FBXW11: variants seen among roughly 807,000 people sequenced by gnomAD.
FBXW11 encodes F-box and WD repeat domain containing 11.
In FBXW11, 19 loss-of-function variants were observed where a neutral mutation model predicts 77.6. That is an observed-to-expected ratio of 0.24 (90% CI 0.17 to 0.36). The LOEUF is 0.36. FBXW11 is among the 10% of genes least tolerant of loss of function. The pLI is 1.00. For synonymous variants in FBXW11, 235 were observed against 249.4 expected (o/e 0.94, Z 0.54); for missense variants, 334 against 704.2 (o/e 0.47, Z 5.95).
At chr5:171,913,961 A>G (rs1761066735) in intron 3 of FBXW11, among the ~76,000 whole-genome samples, 1 of 152,146 alleles carries the variant, frequency 6.6e-6, no homozygotes, top group Admixed American at 6.5e-5. Context: ...AGGCAAACCA[A>G]TGGAAATGGG....
intron 3 of FBXW11, among the ~76,000 whole-genome samples, chr5:171,913,311 G>GTGTT (rs1348974093): frequency 6.6e-6 from 1 of 152,180 alleles, no homozygotes; most frequent in Non-Finnish European, 1.5e-5. Flanking sequence ...CCTCCCTAGA[G>GTGTT]TGTTTGTATA....
In FBXW11 at chr5:171,869,638, A is replaced by G. The variant is rs761876025; in HGVS notation, c.1530+91T>C. Reference sequence around the variant, plus strand: ...TCTGAAGGCATCTTGTGAGACACACAAGCGTTCCTGTGATACACCTAGACA... The same window carrying G: ...TCTGAAGGCATCTTGTGAGACACACGAGCGTTCCTGTGATACACCTAGACA... On this transcript the variant is annotated intron_variant, in intron 12 of 13. Transcript: ENST00000517395. This position sits in a 1 kb window ranked among gnomAD's most constrained non-coding sequence, Gnocchi z 4.1. 75 of 899,776 alleles carry G rather than the reference A, an allele frequency of 8.3e-5. No homozygotes were observed. Among genetic ancestry groups the G allele is most frequent in the Non-Finnish European group, 1.2e-4 (71 of 612,882 alleles). 55.7% of individuals were successfully genotyped at this position (899,776 alleles called of 1,614,324 possible).
intron 1 of FBXW11, among the ~76,000 whole-genome samples, chr5:171,982,877 A>G (rs988363908): frequency 3.9e-5 from 6 of 152,096 alleles, no homozygotes; most frequent in African/African-American, 1.4e-4. Context: ...CTTATACCCC[A>G]GGGGAAGGCA....
At chr5:171,868,513 T>C in intron 13 of FBXW11, 97 bp downstream of exon 13, 1 of 963,890 alleles carries the variant, frequency 1.0e-6, no homozygotes, top group Non-Finnish European at 1.6e-6. Context: ...AGAGAGACCT[T>C]GGTTCACACA....
chr5:171,911,210 T>C (rs1760860963), intron 3 of FBXW11, among the ~76,000 whole-genome samples: 1 of 152,264 alleles, frequency 6.6e-6, no homozygotes, highest in Non-Finnish European at 1.5e-5. Flanking sequence ...CAGTTTGTTT[T>C]ACTTCCTCAA....
intron 2 of FBXW11, among the ~76,000 whole-genome samples, chr5:171,916,201 C>T (rs1761236474): frequency 6.9e-6 from 1 of 144,884 alleles, no homozygotes; most frequent in African/African-American, 2.6e-5. Flanking sequence ...AACAAACCTG[C>T]ACATTGTGCA....
At position 171,868,601 on chromosome 5, in the gene FBXW11, A is replaced by C. The variant is rs1452127331; in HGVS notation, c.*25+9T>G. 6.3e-7 allele frequency: 1 copy of C among 1,595,342 alleles called. No individual in the cohort carries two copies. ...CAGCAAAATTGGAAGGGGAGAGGATAGTACTCACCTGAAACGGGTGAAAGT... is the reference window on the plus strand; with the variant it reads ...CAGCAAAATTGGAAGGGGAGAGGATCGTACTCACCTGAAACGGGTGAAAGT... On this transcript the variant is annotated intron_variant, in intron 13 of 13. Transcript: ENST00000517395.
chr5:171,992,402 AG>A (rs1460260195), intron 1 of FBXW11, among the ~76,000 whole-genome samples: 1 of 151,744 alleles, frequency 6.6e-6, no homozygotes, highest in East Asian at 1.9e-4. Flanking sequence ...ACTCCAGCCT[AG>A]GTGACAGAGT....
chr5:171,936,472 G>A (rs924170116), intron 2 of FBXW11, among the ~76,000 whole-genome samples: 1 of 147,698 alleles, frequency 6.8e-6, no homozygotes, highest in African/African-American at 2.5e-5. Flanking sequence ...CTCCAGCCTG[G>A]GCAACATAGT....
intron 7 of FBXW11, 39 bp downstream of exon 7, chr5:171,891,428 C>A (rs560792961): frequency 1.9e-6 from 3 of 1,545,540 alleles, no homozygotes; most frequent in African/African-American, 1.4e-5. Context: ...CACATAGCCA[C>A]GATTCTAAAA....
At chr5:171,991,764 T>C (rs1023600240) in intron 1 of FBXW11, among the ~76,000 whole-genome samples, 11 of 152,316 alleles carry the variant, frequency 7.2e-5, no homozygotes, top group Middle Eastern at 6.8e-3. Flanking sequence ...ACCCAAATGT[T>C]TGCTGACTAG....
In FBXW11 at chr5:171,863,883, A is replaced by C. The variant is rs1033853700; in HGVS notation, c.*244T>G. 1.3e-5 allele frequency: 2 copies of C among 152,324 alleles called. No individual in the cohort carries two copies. Among genetic ancestry groups the C allele is most frequent in the Admixed American group, 6.5e-5 (1 of 15,286 alleles). The allele number at this position is 152,324 out of a possible 1,614,324, so 9.4% of individuals were successfully genotyped here. On this transcript the variant is annotated 3_prime_UTR_variant, in exon 14 of 14. Transcript: ENST00000517395. ...CATTAGATTTTTTCACTGATGAGGG[A>C]AGGAAACGGGCTTCTGTTCTACTTG...
chr5:171,952,447 ATTTT>A (rs1164383563), intron 2 of FBXW11, among the ~76,000 whole-genome samples: 168 of 6,922 alleles, frequency 0.024, 3 homozygotes, highest in Non-Finnish European at 0.04. Flanking sequence ...ATATATATAT[ATTTT>A]TTTTTTTTTT....
intron 9 of FBXW11, among the ~76,000 whole-genome samples, chr5:171,874,645 T>C (rs952417377): frequency 1.3e-5 from 2 of 149,584 alleles, no homozygotes; most frequent in South Asian, 2.1e-4. Flanking sequence ...AACCCTCATA[T>C]ACCACTGGCA....
intron 2 of FBXW11, among the ~76,000 whole-genome samples, chr5:171,946,006 T>G (rs935591088): frequency 6.6e-6 from 1 of 152,192 alleles, no homozygotes; most frequent in Non-Finnish European, 1.5e-5. Context: ...GTAAGGGTAT[T>G]GTTAGGTATG....
chr5:171,940,162 G>T (rs527574447), intron 2 of FBXW11, among the ~76,000 whole-genome samples: 4 of 152,168 alleles, frequency 2.6e-5, no homozygotes, highest in Non-Finnish European at 5.9e-5. Context: ...CTGGGGTTGA[G>T]CAAGTGAGTA....
intron 2 of FBXW11, among the ~76,000 whole-genome samples, chr5:171,944,529 A>C (rs1230531692): frequency 7.1e-6 from 1 of 140,796 alleles, no homozygotes; most frequent in Non-Finnish European, 1.5e-5. Flanking sequence ...GTGAGCGGAG[A>C]TCGCGCCACT....
intron 1 of FBXW11, among the ~76,000 whole-genome samples, chr5:172,001,440 G>C (rs1036174080): frequency 1.3e-5 from 2 of 152,164 alleles, no homozygotes; most frequent in African/African-American, 4.8e-5. Context: ...ATGATCACCA[G>C]GAAAATTCAA....
chr5:171,937,467 T>C (rs1277397226), intron 2 of FBXW11, among the ~76,000 whole-genome samples: 1 of 152,174 alleles, frequency 6.6e-6, no homozygotes, highest in Non-Finnish European at 1.5e-5. Context: ...ACTCTTCTGT[T>C]ATAGGATGAA....
Sources: allele counts gnomAD v4.1 joint callset (sites outside exome capture counted in the v4.1 genomes callset), GRCh38; gene constraint gnomAD v4.1.1; non-coding constraint Gnocchi (gnomAD v3.1); transcripts MANE v1.5; gene names NCBI Gene and HGNC (gene_info 2026-07-23, HGNC 2026-07-21).